SLC16A10: variants seen among roughly 807,000 people sequenced by gnomAD.
The protein encoded by SLC16A10 is solute carrier family 16 member 10.
A neutral mutation model predicts 40.0 loss-of-function variants in SLC16A10; 27 were observed. The ratio of observed to expected loss-of-function variants is 0.67; its 90% CI spans 0.50 to 0.93. The LOEUF is 0.93. Among genes scored for constraint, SLC16A10 ranks in the 40% least tolerant of loss-of-function variants. The pLI is 0.00. For synonymous variants in SLC16A10, 213 were observed against 249.8 expected (o/e 0.85, Z 1.39); for missense variants, 529 against 658.2 (o/e 0.80, Z 2.15).
intron 1 of SLC16A10, among the ~76,000 whole-genome samples, chr6:111,136,179 C>T (rs545524089): frequency 6.6e-6 from 1 of 152,296 alleles, no homozygotes; most frequent in African/African-American, 2.4e-5. Flanking sequence ...GCTTTCCAGG[C>T]CGTAAAGAAC....
In SLC16A10 at chr6:111,227,791, C is replaced by G. The variant is rs1771028197; in HGVS notation, c.*5556C>G. 1 of 152,058 alleles carries G rather than the reference C, an allele frequency of 6.6e-6. No individual in the cohort carries two copies. The highest frequency in any genetic ancestry group is 2.4e-5 in the African/African-American group (1 of 41,420). 9.4% of individuals were successfully genotyped at this position (152,058 alleles called of 1,614,324 possible). A position where few individuals can be genotyped will look rare whatever the true frequency, so the allele number is the denominator to read the frequency against. On this transcript the variant is annotated 3_prime_UTR_variant, in exon 6 of 6. Transcript: ENST00000368851. ...TAGTAAGTTGGAAAGACAGTAGGAA[C>G]AAAATGAAACCTTTCTAAGTACTTG... is the stretch of plus-strand genomic sequence containing the variant.
intron 1 of SLC16A10, among the ~76,000 whole-genome samples, chr6:111,109,006 T>C (rs918260326): frequency 6.6e-6 from 1 of 152,228 alleles, no homozygotes; most frequent in Non-Finnish European, 1.5e-5. Context: ...GAAACGTAGA[T>C]TTAAAAATCT....
intron 5 of SLC16A10, among the ~76,000 whole-genome samples, chr6:111,219,988 C>T (rs150608268): frequency 3.9e-5 from 6 of 152,210 alleles, no homozygotes; most frequent in South Asian, 2.1e-4. Context: ...ACTCCAGAGG[C>T]GGAGGCGAGA....
Position 111,222,069 on chromosome 6 carries a change from T to C in SLC16A10, c.1382T>C (p.Ile461Thr), listed in dbSNP as rs1298874438. ...TACCTCGCTGGAGTCCCTCCCCTTA[T>C]TGGAGGTGCTGTGCTTTGTTTTATC... ...AFYLAGVPPLIGGAVLCFIPW... is the reference protein window; with the variant it reads ...AFYLAGVPPLTGGAVLCFIPW... Residue 461 changes from isoleucine to threonine, a missense_variant, in exon 6 of 6, where the codon ATT (isoleucine) becomes ACT (threonine). By Grantham distance (89) the Ile-to-Thr change is moderately conservative (BLOSUM62 -1). Coordinates refer to ENST00000368851, the MANE Select transcript of SLC16A10 (RefSeq NM_018593.5). The C allele has an allele frequency of 6.2e-7, 1 of 1,611,018 alleles. No homozygotes were observed. The highest frequency in any genetic ancestry group is 2.2e-5 in the East Asian group (1 of 44,800).
chr6:111,167,041 A>G (rs924188026), intron 1 of SLC16A10, among the ~76,000 whole-genome samples: 12 of 152,222 alleles, frequency 7.9e-5, no homozygotes, highest in African/African-American at 2.9e-4. Flanking sequence ...CCACTTTTGC[A>G]TGTTACTAGA....
chr6:111,138,889 G>T (rs1376244746), intron 1 of SLC16A10, among the ~76,000 whole-genome samples: 1 of 152,112 alleles, frequency 6.6e-6, no homozygotes, highest in Admixed American at 6.5e-5. Context: ...AGGGAGAGAG[G>T]ATGCAGTAGA....
At chr6:111,146,587 T>C (rs1490389411) in intron 1 of SLC16A10, among the ~76,000 whole-genome samples, 2 of 150,594 alleles carry the variant, frequency 1.3e-5, no homozygotes, top group African/African-American at 4.8e-5. Context: ...ATACAAAAAA[T>C]TAGCTGGGCG....
intron 4 of SLC16A10, among the ~76,000 whole-genome samples, chr6:111,213,166 A>C (rs770150400): frequency 6.6e-6 from 1 of 152,230 alleles, no homozygotes; most frequent in Non-Finnish European, 1.5e-5. Flanking sequence ...TGACATGGAC[A>C]TATTGAAGCA....
At chr6:111,118,808 T>A (rs1771535078) in intron 1 of SLC16A10, among the ~76,000 whole-genome samples, 1 of 152,164 alleles carries the variant, frequency 6.6e-6, no homozygotes, top group Non-Finnish European at 1.5e-5. Flanking sequence ...TTTACTTGCC[T>A]TTCCTGCCAC....
intron 3 of SLC16A10, among the ~76,000 whole-genome samples, chr6:111,178,217 T>C (rs945234004): frequency 3.9e-5 from 6 of 152,202 alleles, no homozygotes; most frequent in African/African-American, 1.4e-4. Context: ...AAAAAAGCCA[T>C]GATGTTGATA....
intron 3 of SLC16A10, among the ~76,000 whole-genome samples, chr6:111,203,695 C>T (rs1014676783): frequency 2.0e-5 from 3 of 148,190 alleles, no homozygotes; most frequent in African/African-American, 7.5e-5. Context: ...GCACTCCAGC[C>T]TGGGCGACAG....
At chr6:111,098,277 G>A (rs1771111494) in intron 1 of SLC16A10, among the ~76,000 whole-genome samples, 1 of 152,168 alleles carries the variant, frequency 6.6e-6, no homozygotes, top group African/African-American at 2.4e-5. Context: ...TTGTACTCCA[G>A]CCTGGGCAAC....
rs1445672116 is a variant in SLC16A10 at position 111,087,792 on chromosome 6, A to G, written c.40A>G (p.Thr14Ala). The change falls in exon 1 of 6, where the codon ACG becomes GCG. Residue 14 changes from threonine (T) to alanine (A), a missense_variant. Thr to Ala is a moderately conservative substitution (Grantham distance 58). Coordinates refer to ENST00000368851, the MANE Select transcript of SLC16A10 (RefSeq NM_018593.5). Reference sequence around the variant, plus strand: ...GGAGGAGCCGGACTCCGCGCGGGGCACGAGCGAGGCGCAGCCGCTCGGCCC... The same window carrying G: ...GGAGGAGCCGGACTCCGCGCGGGGCGCGAGCGAGGCGCAGCCGCTCGGCCC... ...SQEEPDSARGTSEAQPLGPAP... is the reference protein window; with the variant it reads ...SQEEPDSARGASEAQPLGPAP... The G allele has an allele frequency of 2.4e-6, 3 of 1,225,032 alleles. No homozygotes were observed. The highest frequency in any genetic ancestry group is 3.0e-6 in the Non-Finnish European group (3 of 984,816). The allele number at this position is 1,225,032 out of a possible 1,614,324, so 75.9% of individuals were successfully genotyped here.
At chr6:111,135,816 C>G (rs1461462009) in intron 1 of SLC16A10, among the ~76,000 whole-genome samples, 6 of 152,274 alleles carry the variant, frequency 3.9e-5, no homozygotes, top group Admixed American at 3.3e-4. Flanking sequence ...ATCAAGCCAC[C>G]CAAGTGCTCT....
intron 1 of SLC16A10, among the ~76,000 whole-genome samples, chr6:111,164,396 G>A (rs953547992): frequency 4.6e-5 from 7 of 152,034 alleles, no homozygotes; most frequent in East Asian, 1.9e-4. Context: ...AAGTTGTAGC[G>A]ACTCTGGTGT....
chr6:111,217,473 G>A (rs988066850), intron 4 of SLC16A10, among the ~76,000 whole-genome samples: 2 of 152,058 alleles, frequency 1.3e-5, no homozygotes, highest in Admixed American at 6.6e-5. Context: ...TGTTTGAGAC[G>A]GAGTCTCGCT....
At position 111,218,807 on chromosome 6, in the gene SLC16A10, G is replaced by A. The variant is rs374053862; in HGVS notation, c.1087-7G>A. On this transcript the variant is annotated splice_region_variant and splice_polypyrimidine_tract_variant and intron_variant, in intron 4 of 5. Coordinates refer to ENST00000368851, the MANE Select transcript of SLC16A10 (RefSeq NM_018593.5). ...GAGCGGAGCTGACCTTGTGGTGTCC[G>A]TCCTAGGTACTCTCCTTTTTCTTCA... 68 of 1,612,984 alleles carry A rather than the reference G, an allele frequency of 4.2e-5. 1 individual carries two copies. The highest frequency in any genetic ancestry group is 1.7e-4 in the Middle Eastern group (1 of 6,022).
chr6:111,114,416 A>G (rs1211644434), intron 1 of SLC16A10, among the ~76,000 whole-genome samples: 1 of 152,208 alleles, frequency 6.6e-6, no homozygotes, highest in Non-Finnish European at 1.5e-5. Context: ...GCTAAGATGC[A>G]CTATTATTTT....
intron 3 of SLC16A10, among the ~76,000 whole-genome samples, chr6:111,190,220 ATCT>A (rs1263346051): frequency 6.6e-6 from 1 of 152,198 alleles, no homozygotes; most frequent in Non-Finnish European, 1.5e-5. Flanking sequence ...TTCCAAAACG[ATCT>A]TCTTTGATTC....
Sources: allele counts gnomAD v4.1 joint callset (sites outside exome capture counted in the v4.1 genomes callset), GRCh38; gene constraint gnomAD v4.1.1; transcripts MANE v1.5; gene names NCBI Gene and HGNC (gene_info 2026-07-23, HGNC 2026-07-21).